Variants in PTGIR observed in about 807,000 individuals in gnomAD.
PTGIR encodes the protein prostaglandin I2 receptor.
In PTGIR, 16 loss-of-function variants were observed where a neutral mutation model predicts 17.6. That is an observed-to-expected ratio of 0.91 (90% CI 0.61 to 1.38). PTGIR has a LOEUF of 1.38. Ranked by LOEUF, PTGIR falls within the 40% of genes most tolerant of loss-of-function variation. The pLI, the probability that PTGIR is intolerant of heterozygous loss-of-function variation, is 0.00. For synonymous variants in PTGIR, 274 were observed against 255.4 expected (o/e 1.07, Z -0.69); for missense variants, 532 against 548.6 (o/e 0.97, Z 0.30).
At chr19:46,619,601 A>AATGAATG (rs1568675777), downstream of PTGIR, among the ~76,000 whole-genome samples, 1 of 95,650 alleles carries the variant, frequency 1.0e-5, no homozygotes, top group Non-Finnish European at 2.1e-5. Context: ...GAAAAGAAAG[A>AATGAATG]AAGGAAAGAA....
At chr19:46,617,685 T>A (rs565210996), downstream of PTGIR, among the ~76,000 whole-genome samples, 1 of 151,910 alleles carries the variant, frequency 6.6e-6, no homozygotes, top group South Asian at 2.1e-4. Context: ...AGAGAGGAGG[T>A]GAGCACCCTT....
At position 46,621,127 on chromosome 19, in the gene PTGIR, C is replaced by G; in HGVS notation, c.*153G>C. On this transcript the variant is annotated 3_prime_UTR_variant, in exon 3 of 3. Coordinates refer to ENST00000291294, the MANE Select transcript of PTGIR (RefSeq NM_000960.4). The surrounding 1 kb of genome is among the most constrained non-coding windows in gnomAD (Gnocchi z 4.8). Reference sequence around the variant, plus strand: ...TCCCTCACTCTCTTCCCAGAGCCAGCAGCGACTGCCCTGCCGCAGGAGAAA... The same window carrying G: ...TCCCTCACTCTCTTCCCAGAGCCAGGAGCGACTGCCCTGCCGCAGGAGAAA... 1 of 1,340,694 alleles carries G rather than the reference C, an allele frequency of 7.5e-7. No individual in the cohort carries two copies. The highest frequency in any genetic ancestry group is 2.7e-5 in the East Asian group (1 of 37,008). 83.0% of individuals were successfully genotyped at this position (1,340,694 alleles called of 1,614,324 possible).
downstream of PTGIR, among the ~76,000 whole-genome samples, chr19:46,618,616 A>T (rs1043118305): frequency 1.1e-4 from 17 of 152,184 alleles, no homozygotes; most frequent in Non-Finnish European, 2.1e-4. Context: ...TTTATTTTTT[A>T]AATTTTTTTT....
chr19:46,614,277 T>C, the PTGIR span: 2 of 729,992 alleles, frequency 2.7e-6, no homozygotes, highest in African/African-American at 1.9e-5. Context: ...GGGCCACTCC[T>C]GAGTGTCACT....
At chr19:46,622,504 G>A (rs1169614574) in intron 2 of PTGIR, 6 of 674,212 alleles carry the variant, frequency 8.9e-6, no homozygotes, top group Non-Finnish European at 1.1e-5. Flanking sequence ...AGCACGGGGC[G>A]GGCATAGAGA....
At chr19:46,620,351 C>A (rs577669965), downstream of PTGIR, 48 of 872,362 alleles carry the variant, frequency 5.5e-5, 1 homozygote, top group South Asian at 2.3e-3. Flanking sequence ...ATCCTCCCAC[C>A]TGAACCTCCC....
rs538278240 is a variant in PTGIR at position 46,622,195 on chromosome 19, G to T, written c.769-523C>A. The T allele has an allele frequency of 2.4e-4, 233 of 985,430 alleles. 2 individuals carry two copies. The South Asian group carries it at 4.5e-3, about 19-fold the overall frequency. 61.0% of individuals were successfully genotyped at this position (985,430 alleles called of 1,614,324 possible). A position where few individuals can be genotyped will look rare whatever the true frequency, so the allele number is the denominator to read the frequency against. The stretch of plus-strand genomic sequence containing the variant: ...TCACAGACACTGAGTGGGTACCAGG[G>T]TCTGTGCCACTCCCATTGGGGAGGG... On this transcript the variant is annotated intron_variant, in intron 2 of 2. Transcript: ENST00000291294.
the PTGIR span, chr19:46,610,849 C>T: frequency 9.4e-4 from 144 of 153,026 alleles, no homozygotes; most frequent in Non-Finnish European, 1.8e-3. Context: ...ACACCAACCC[C>T]AGCACTGACT....
chr19:46,618,014 A>ATTTTTT (rs56961349), downstream of PTGIR, among the ~76,000 whole-genome samples: 10,965 of 112,310 alleles, frequency 0.098, 1,074 homozygotes, highest in African/African-American at 0.16. Context: ...AATTTTTGTA[A>ATTTTTT]TTTTTTTTTT....
the PTGIR span, among the ~76,000 whole-genome samples, chr19:46,612,469 C>T: frequency 6.6e-6 from 1 of 152,168 alleles, no homozygotes; most frequent in Non-Finnish European, 1.5e-5. Context: ...TTAAAGCAAC[C>T]ATTTGGGCTG....
chr19:46,615,467 T>A, the PTGIR span, among the ~76,000 whole-genome samples: 1 of 152,190 alleles, frequency 6.6e-6, no homozygotes, highest in African/African-American at 2.4e-5. Context: ...TACTGTGCCC[T>A]CTTAGTACGG....
At chr19:46,617,124 A>G (rs11666367), downstream of PTGIR, among the ~76,000 whole-genome samples, 65,931 of 152,174 alleles carry the variant, frequency 0.43, 14,664 homozygotes, top group African/African-American at 0.53. Context: ...GGCCTCTTTG[A>G]GGAAACCGCA....
At position 46,624,170 on chromosome 19, in the gene PTGIR, G is replaced by C. The variant is rs1444580767; in HGVS notation, c.56C>G (p.Thr19Ser). ...TYVRGSVGPA[T>S]STLMFVAGVV... ...ACCGGCCACGAACATCAGGGTGCTG[G>C]TGGCCGGCCCCACCGAGCCCCGCAC... The change falls in exon 2 of 3, where the codon ACC becomes AGC. Residue 19 changes from threonine (T) to serine (S), a missense_variant. By Grantham distance (58) the Thr-to-Ser change is moderately conservative (BLOSUM62 1). Transcript: ENST00000291294. 1 of 1,502,230 alleles carries C rather than the reference G, an allele frequency of 6.7e-7. No individual in the cohort carries two copies. Among genetic ancestry groups the C allele is most frequent in the South Asian group, 1.3e-5 (1 of 78,794 alleles). The allele number at this position is 1,502,230 out of a possible 1,614,324, so 93.1% of individuals were successfully genotyped here.
the PTGIR span, among the ~76,000 whole-genome samples, chr19:46,612,889 C>T: frequency 6.6e-6 from 1 of 152,170 alleles, no homozygotes; most frequent in Non-Finnish European, 1.5e-5. Context: ...TCCCAAGGGG[C>T]CACCTCTGCC....
At position 46,622,317 on chromosome 19, in the gene PTGIR, A is replaced by G. The variant is rs894626644; in HGVS notation, c.769-645T>C. 13 of 985,276 alleles carry G rather than the reference A, an allele frequency of 1.3e-5. No homozygotes were observed. The African/African-American group carries it at 2.3e-4, about 17-fold the overall frequency. 61.0% of individuals were successfully genotyped at this position (985,276 alleles called of 1,614,324 possible). ...CCAGGTAGGTGGGAGATCAGGCTCTACAATGGAAGGACCCAGGACCAGGAC... is the reference window on the plus strand; with the variant it reads ...CCAGGTAGGTGGGAGATCAGGCTCTGCAATGGAAGGACCCAGGACCAGGAC... On this transcript the variant is annotated intron_variant, in intron 2 of 2. Coordinates refer to ENST00000291294, the MANE Select transcript of PTGIR (RefSeq NM_000960.4).
chr19:46,622,980 A>ATTTTT (rs201900456), intron 2 of PTGIR: 1 of 113,312 alleles, frequency 8.8e-6, no homozygotes, highest in African/African-American at 3.6e-5. Flanking sequence ...TTTTTTTCTT[A>ATTTTT]TTTTTTTTTT....
At chr19:46,617,042 A>G (rs914766652), downstream of PTGIR, among the ~76,000 whole-genome samples, 6 of 152,264 alleles carry the variant, frequency 3.9e-5, no homozygotes, top group Non-Finnish European at 8.8e-5. Flanking sequence ...TTTTTGACGG[A>G]TGGAAAAGGG....
At chr19:46,619,764 C>T (rs1007142719), downstream of PTGIR, among the ~76,000 whole-genome samples, 6 of 152,188 alleles carry the variant, frequency 3.9e-5, no homozygotes, top group Non-Finnish European at 7.3e-5. Flanking sequence ...TCATGGGAGG[C>T]TCAGGCCTCA....
chr19:46,615,647 G>A (rs1000026162), downstream of PTGIR, among the ~76,000 whole-genome samples: 2 of 150,776 alleles, frequency 1.3e-5, no homozygotes, highest in African/African-American at 2.4e-5. Flanking sequence ...CTGGGACTAC[G>A]GGTGCCCACC....
Sources: gnomAD v4.1 joint callset for allele counts (sites outside exome capture counted in the v4.1 genomes callset) on GRCh38, gnomAD v4.1.1 for gene constraint, Gnocchi (gnomAD v3.1) non-coding constraint, MANE v1.5 for transcripts, NCBI Gene and HGNC (gene_info 2026-07-23, HGNC 2026-07-21) for gene names.